The following CYB5R3 variants were observed in gnomAD, a reference collection of about 807,000 sequenced individuals.
CYB5R3 encodes the protein cytochrome b5 reductase 3.
CYB5R3 carries 28 observed loss-of-function variants against 36.5 expected under a neutral mutation model. The observed-to-expected ratio is 0.77, with a 90% confidence interval of 0.57 to 1.05. The LOEUF (loss-of-function observed/expected upper bound fraction) is 1.05. CYB5R3 is among the 50% of genes least tolerant of loss of function. The pLI, the probability that CYB5R3 is intolerant of heterozygous loss-of-function variation, is 0.00. For synonymous variants in CYB5R3, 181 were observed against 159.8 expected, an observed-to-expected ratio of 1.13 and a Z score of -1.00; for missense variants, 474 against 408.9, an observed-to-expected ratio of 1.16 and a Z score of -1.37.
rs1207155639 is a variant in CYB5R3 at position 42,618,307 on chromosome 22, G to A, written c.*1466C>T. 1 of 151,972 alleles carries A rather than the reference G, an allele frequency of 6.6e-6. No individual in the cohort carries two copies. Among genetic ancestry groups the A allele is most frequent in the Non-Finnish European group, 1.5e-5 (1 of 68,024 alleles). 9.4% of individuals were successfully genotyped at this position (151,972 alleles called of 1,614,324 possible). On this transcript the variant is annotated 3_prime_UTR_variant, in exon 9 of 9. Transcript: ENST00000352397. ...AATCCCAGCACTTTGGGAGGCCGAGGCGGGCGGATCACGAGGTCAGGAGAT... is the reference window on the plus strand; with the variant it reads ...AATCCCAGCACTTTGGGAGGCCGAGACGGGCGGATCACGAGGTCAGGAGAT...
At chr22:42,646,070 C>A (rs1055996836) in intron 1 of CYB5R3, among the ~76,000 whole-genome samples, 1 of 152,196 alleles carries the variant, frequency 6.6e-6, no homozygotes, top group Non-Finnish European at 1.5e-5. Context: ...CCTACCCACA[C>A]GGGTTGGAAC....
Position 42,619,826 on chromosome 22 carries a change from G to A in CYB5R3, c.853C>T (p.Leu285Phe). ...TGGCCCACGTGGTCCAGGTTGGGAA[G>A]GCAGGCGTACTGGATCATGGGTGGG... ...GPPPMIQYAC[L>F]PNLDHVGHPT... Residue 285 changes from leucine (L) to phenylalanine (F), a missense_variant, in exon 9 of 9, where the codon CTT (leucine) becomes TTT (phenylalanine). Physicochemically the swap from Leu to Phe is conservative, Grantham distance 22. Transcript: ENST00000352397. 6.2e-7 allele frequency: 1 copy of A among 1,602,834 alleles called. No individual in the cohort carries two copies. The highest frequency in any genetic ancestry group is 8.5e-7 in the Non-Finnish European group (1 of 1,176,234).
chr22:42,646,808 T>C, intron 1 of CYB5R3: 2 of 985,850 alleles, frequency 2.0e-6, no homozygotes, highest in Non-Finnish European at 2.4e-6. Flanking sequence ...AAGGAACAGG[T>C]GGACACAGAG....
In CYB5R3 at chr22:42,636,812, A is replaced by C; in HGVS notation, c.56T>G (p.Leu19Arg). The C allele has an allele frequency of 6.2e-7, 1 of 1,613,976 alleles. No homozygotes were observed. Among genetic ancestry groups the C allele is most frequent in the Non-Finnish European group, 8.5e-7 (1 of 1,180,018 alleles). Reference sequence around the variant, plus strand: ...GAACAGCTTCATGAGCAGACTGTACAGGAACCAGACTGGGAAGAGCACCAT... The same window carrying C: ...GAACAGCTTCATGAGCAGACTGTACCGGAACCAGACTGGGAAGAGCACCAT... ...GHMVLFPVWF[L>R]YSLLMKLFQR... The change falls in exon 2 of 9, where the codon CTG becomes CGG. Residue 19 changes from leucine to arginine, a missense_variant. By Grantham distance (102) the Leu-to-Arg change is moderately radical. Transcript: ENST00000352397.
intron 7 of CYB5R3, among the ~76,000 whole-genome samples, chr22:42,624,232 A>C (rs1338225191): frequency 6.6e-6 from 1 of 152,238 alleles, no homozygotes; most frequent in African/African-American, 2.4e-5. Context: ...AAGAGACGGG[A>C]AATGTGCCAA....
intron 1 of CYB5R3, chr22:42,639,697 ATTAT>A (rs1461934252): frequency 7.5e-6 from 3 of 402,010 alleles, no homozygotes; most frequent in African/African-American, 2.0e-5. Flanking sequence ...CTTTCCTGTA[ATTAT>A]TCTGTGGTTA....
In CYB5R3 at chr22:42,618,577, G is replaced by A. The variant is rs1412289136; in HGVS notation, c.*1196C>T. On this transcript the variant is annotated 3_prime_UTR_variant, in exon 9 of 9. Transcript: ENST00000352397. ...AAAATACAAAAACTAGCTGGGTGTG[G>A]TGGTGGGCACTTTTAGTCCCAGCTA... 1 of 151,288 alleles carries A rather than the reference G, an allele frequency of 6.6e-6. No individual in the cohort carries two copies. The highest frequency in any genetic ancestry group is 2.4e-5 in the African/African-American group (1 of 41,098). The allele number at this position is 151,288 out of a possible 1,614,324, so 9.4% of individuals were successfully genotyped here. A position where few individuals can be genotyped will look rare whatever the true frequency, so the allele number is the denominator to read the frequency against.
chr22:42,633,651 C>T (rs1204621231), intron 2 of CYB5R3, among the ~76,000 whole-genome samples: 1 of 152,184 alleles, frequency 6.6e-6, no homozygotes, highest in Non-Finnish European at 1.5e-5. Context: ...GGCATGGTGT[C>T]GCATGCCTAT....
intron 1 of CYB5R3, among the ~76,000 whole-genome samples, chr22:42,637,186 A>T (rs1928946180): frequency 6.6e-6 from 1 of 152,218 alleles, no homozygotes; most frequent in Admixed American, 6.5e-5. Flanking sequence ...TCAGAGTAAA[A>T]TTAATCTTGA....
rs940551339 is a variant in CYB5R3, at chr22:42,642,681, G to A, written c.22-5835C>T. On this transcript the variant is annotated intron_variant, in intron 1 of 8. Coordinates refer to ENST00000352397, the MANE Select transcript of CYB5R3 (RefSeq NM_000398.7). ...TCTCGATCTCCTGACCTCGTGATCC[G>A]CCCGCCTCAGCCTCCCAAAGTGCTG... Among the ~76,000 whole-genome samples, 3 of 151,914 alleles carry A rather than the reference G, an allele frequency of 2.0e-5. No homozygotes were observed. The South Asian group carries it at 6.2e-4, about 32-fold the overall frequency.
chr22:42,639,196 G>A, intron 1 of CYB5R3: 4 of 298,692 alleles, frequency 1.3e-5, no homozygotes, highest in Non-Finnish European at 2.6e-5. Flanking sequence ...TGGGTGTGGT[G>A]GCAGGCTACC....
At chr22:42,624,016 G>C in intron 7 of CYB5R3, 128 bp from the exon 8 acceptor site, 1 of 773,000 alleles carries the variant, frequency 1.3e-6, no homozygotes, top group South Asian at 1.5e-5. Context: ...TTCAGGAGGG[G>C]ACTCGGCCAG....
At chr22:42,620,565 A>C (rs1236325911) in intron 8 of CYB5R3, among the ~76,000 whole-genome samples, 5 of 152,078 alleles carry the variant, frequency 3.3e-5, no homozygotes, top group Non-Finnish European at 7.4e-5. Flanking sequence ...TAGTAACCAG[A>C]AACAACCACC....
chr22:42,625,188 T>C (rs1445992287), intron 7 of CYB5R3, among the ~76,000 whole-genome samples: 3 of 152,158 alleles, frequency 2.0e-5, no homozygotes, highest in African/African-American at 2.4e-5. Flanking sequence ...TCTTTTCACT[T>C]TTCTTTTTCT....
intron 8 of CYB5R3, among the ~76,000 whole-genome samples, chr22:42,620,849 G>T (rs1415413604): frequency 6.6e-6 from 1 of 152,226 alleles, no homozygotes; most frequent in East Asian, 1.9e-4. Context: ...TGGGAAGCCT[G>T]GAGTGATACG....
chr22:42,636,779 G>A lies in CYB5R3; in HGVS notation c.89C>T (p.Ser30Phe), dbSNP rs147960720. Residue 30 changes from serine (S) to phenylalanine (F), a missense_variant, in exon 2 of 9, where the codon TCC (serine) becomes TTC (phenylalanine). Transcript: ENST00000352397. ...YSLLMKLFQR[S>F]TPAITLESPD... ...GCTCTCGAGGGTGATGGCTGGCGTG[G>A]AGCGCTGGAACAGCTTCATGAGCAG... 4.2e-5 allele frequency: 68 copies of A among 1,613,940 alleles called. No individual in the cohort carries two copies. Among genetic ancestry groups the A allele is most frequent in the Admixed American group, 1.2e-4 (7 of 60,014 alleles).
intron 1 of CYB5R3, chr22:42,644,463 CA>C: frequency 1.1e-6 from 1 of 877,068 alleles, no homozygotes; most frequent in South Asian, 1.4e-5. Flanking sequence ...CTCTCTGCCC[CA>C]AATGTCCTTG....
chr22:42,640,416 T>A (rs1443509502), intron 1 of CYB5R3: 10 of 572,706 alleles, frequency 1.7e-5, no homozygotes, highest in Non-Finnish European at 2.4e-5. Flanking sequence ...TCTCACTCTA[T>A]CACCCAGGCT....
intron 1 of CYB5R3, chr22:42,640,045 C>G: frequency 6.2e-7 from 1 of 1,613,738 alleles, no homozygotes; most frequent in Non-Finnish European, 8.5e-7. Flanking sequence ...GGCCACCAAA[C>G]CGTTCAGCAA....
Sources: allele counts gnomAD v4.1 joint callset (sites outside exome capture counted in the v4.1 genomes callset), GRCh38; gene constraint gnomAD v4.1.1; transcripts MANE v1.5; gene names NCBI Gene and HGNC (gene_info 2026-07-23, HGNC 2026-07-21).